Variants in TWSG1 observed in about 807,000 individuals in gnomAD.
The protein encoded by TWSG1 is twisted gastrulation BMP signaling modulator 1, also known as twisted gastrulation protein homolog 1.
Under a neutral mutation model 23.0 loss-of-function variants are expected in TWSG1, and 15 were observed. The observed-to-expected ratio is 0.65, with a 90% confidence interval of 0.44 to 1.00. The LOEUF (loss-of-function observed/expected upper bound fraction) is 1.00, where lower values mean the gene tolerates loss of function less well. Ranked by LOEUF, TWSG1 falls within the 50% of genes least tolerant of loss-of-function variation. The probability of loss-of-function intolerance (pLI) is 0.00; values close to 1 mark genes in which losing one functional copy is unlikely to be tolerated. For synonymous variants in TWSG1, 86 were observed against 92.8 expected (o/e 0.93, Z 0.42); for missense variants, 242 against 278.7 (o/e 0.87, Z 0.94).
intron 3 of TWSG1, among the ~76,000 whole-genome samples, chr18:9,395,716 C>T (rs1169991602): frequency 6.6e-6 from 1 of 152,144 alleles, no homozygotes; most frequent in East Asian, 1.9e-4. Flanking sequence ...CAGGCATGCA[C>T]CACCACACCC....
chr18:9,349,282 T>C (rs2040490916), intron 2 of TWSG1, among the ~76,000 whole-genome samples: 1 of 152,200 alleles, frequency 6.6e-6, no homozygotes, highest in Non-Finnish European at 1.5e-5. Context: ...CCATTTTGTA[T>C]TAAGAGTGGA....
intron 3 of TWSG1, among the ~76,000 whole-genome samples, chr18:9,367,947 T>C (rs927972704): frequency 6.6e-6 from 1 of 152,366 alleles, no homozygotes; most frequent in Non-Finnish European, 1.5e-5. Context: ...CTGTCTTGAC[T>C]ATTGTGAATA....
chr18:9,372,782 G>T (rs555663787), intron 3 of TWSG1, among the ~76,000 whole-genome samples: 1 of 151,520 alleles, frequency 6.6e-6, no homozygotes, highest in East Asian at 1.9e-4. Context: ...AAGAGAAAAT[G>T]GAATCAAATA....
At chr18:9,394,446 T>G (rs897690941) in intron 3 of TWSG1, among the ~76,000 whole-genome samples, 6 of 152,214 alleles carry the variant, frequency 3.9e-5, no homozygotes, top group African/African-American at 1.4e-4. Context: ...GATAGAGAGA[T>G]ATTTGTTAAA....
intron 3 of TWSG1, among the ~76,000 whole-genome samples, chr18:9,382,661 G>A (rs1302260867): frequency 3.9e-5 from 6 of 151,926 alleles, no homozygotes; most frequent in African/African-American, 1.4e-4. Flanking sequence ...AAAAAAATTA[G>A]CTGGGCGTGG....
chr18:9,339,372 C>A (rs1229176105), intron 2 of TWSG1, among the ~76,000 whole-genome samples: 1 of 152,042 alleles, frequency 6.6e-6, no homozygotes, highest in Non-Finnish European at 1.5e-5. Context: ...CCTTGACTTC[C>A]CAGGCTCCAG....
intron 4 of TWSG1, among the ~76,000 whole-genome samples, chr18:9,397,493 T>C (rs1213091371): frequency 1.3e-5 from 2 of 152,242 alleles, no homozygotes; most frequent in Non-Finnish European, 2.9e-5. Context: ...TTAGTGAAGA[T>C]AGGTCATATC....
chr18:9,370,949 T>C (rs547879314), intron 3 of TWSG1, among the ~76,000 whole-genome samples: 1 of 152,126 alleles, frequency 6.6e-6, no homozygotes, highest in Admixed American at 6.5e-5. Flanking sequence ...GATTTTTCTC[T>C]AAGTAGCCAA....
At chr18:9,353,378 T>C (rs1429733352) in intron 2 of TWSG1, among the ~76,000 whole-genome samples, 1 of 152,184 alleles carries the variant, frequency 6.6e-6, no homozygotes, top group East Asian at 1.9e-4. Flanking sequence ...TGTAGTAAAA[T>C]ACATTTTGAA....
chr18:9,397,301 C>A (rs1278119444), intron 4 of TWSG1, among the ~76,000 whole-genome samples: 1 of 152,142 alleles, frequency 6.6e-6, no homozygotes, highest in East Asian at 1.9e-4. Flanking sequence ...AGCACCCGTA[C>A]CAAAATGATG....
chr18:9,371,794 CAG>C (rs2040606710), intron 3 of TWSG1, among the ~76,000 whole-genome samples: 1 of 119,502 alleles, frequency 8.4e-6, no homozygotes, highest in African/African-American at 3.2e-5. Context: ...TTTTTTGAGA[CAG>C]AGTCTCGCAC....
At chr18:9,347,307 C>G (rs2040481764) in intron 2 of TWSG1, among the ~76,000 whole-genome samples, 1 of 152,100 alleles carries the variant, frequency 6.6e-6, no homozygotes, top group Admixed American at 6.5e-5. Flanking sequence ...TTTTGCAGAG[C>G]AGAAGTTTAA....
Position 9,396,775 on chromosome 18 carries a change from T to A in TWSG1, c.490+229T>A, listed in dbSNP as rs956298953. 11 of 604,444 alleles carry A rather than the reference T, an allele frequency of 1.8e-5. No individual in the cohort carries two copies. The African/African-American group carries it at 1.9e-4, about 10-fold the overall frequency. 37.4% of individuals were successfully genotyped at this position (604,444 alleles called of 1,614,324 possible). A position where few individuals can be genotyped will look rare whatever the true frequency, so the allele number is the denominator to read the frequency against. ...CAATCCTTGAGTAGATAAAAAGGCATGTCGGCTGGGCGTGGTGGCTCATGC... is the reference window on the plus strand; with the variant it reads ...CAATCCTTGAGTAGATAAAAAGGCAAGTCGGCTGGGCGTGGTGGCTCATGC... On this transcript the variant is annotated intron_variant, in intron 4 of 4. Coordinates refer to ENST00000262120, the MANE Select transcript of TWSG1 (RefSeq NM_020648.6).
chr18:9,353,301 G>A (rs1020495808), intron 2 of TWSG1, among the ~76,000 whole-genome samples: 1 of 152,148 alleles, frequency 6.6e-6, no homozygotes, highest in African/African-American at 2.4e-5. Context: ...AAAGATGATC[G>A]AATCTGTCTT....
intron 2 of TWSG1, among the ~76,000 whole-genome samples, chr18:9,337,993 C>T (rs1448557859): frequency 6.6e-6 from 1 of 152,162 alleles, no homozygotes; most frequent in Non-Finnish European, 1.5e-5. Context: ...TCTCATTTTT[C>T]TGGGGAGAAA....
intron 3 of TWSG1, among the ~76,000 whole-genome samples, chr18:9,389,947 A>G (rs758420814): frequency 3.0e-4 from 45 of 152,242 alleles, no homozygotes; most frequent in Non-Finnish European, 5.6e-4. Context: ...TTTACACTAT[A>G]GTGTAGTTTA....
chr18:9,383,236 C>T (rs1255258880), intron 3 of TWSG1, among the ~76,000 whole-genome samples: 1 of 147,850 alleles, frequency 6.8e-6, no homozygotes, highest in Non-Finnish European at 1.5e-5. Context: ...GCTCTGTCAC[C>T]CAGGCTGAGG....
chr18:9,374,968 A>C lies in TWSG1; in HGVS notation c.223+14897A>C, dbSNP rs180959181. ...AGATCACGAGGTCAGGAGATTGAGA[A>C]CATCCTGGCTAACACAGTGAAACCC... is the stretch of plus-strand genomic sequence containing the variant. On this transcript the variant is annotated intron_variant, in intron 3 of 4. Transcript: ENST00000262120. 3.2e-3 allele frequency among the ~76,000 whole-genome samples: 487 copies of C among 152,186 alleles called. 5 individuals are homozygous for C. Among genetic ancestry groups the C allele is most frequent in the Non-Finnish European group, 5.2e-3 (354 of 68,006 alleles).
intron 2 of TWSG1, among the ~76,000 whole-genome samples, chr18:9,358,419 A>G (rs1241643680): frequency 6.6e-6 from 1 of 152,160 alleles, no homozygotes; most frequent in Non-Finnish European, 1.5e-5. Flanking sequence ...CCTGTGTTCC[A>G]ATTATTTGTA....
Sources: gnomAD v4.1 joint callset for allele counts (sites outside exome capture counted in the v4.1 genomes callset) on GRCh38, gnomAD v4.1.1 for gene constraint, MANE v1.5 for transcripts, NCBI Gene and HGNC (gene_info 2026-07-23, HGNC 2026-07-21) for gene names.